The following GALNT13 variants were observed in gnomAD, a reference collection of about 807,000 sequenced individuals.
GALNT13 encodes the protein polypeptide N-acetylgalactosaminyltransferase 13, also known as UDP-GalNAc:polypeptide N-acetylgalactosaminyltransferase 13.
In GALNT13, 28 loss-of-function variants were observed where a neutral mutation model predicts 64.2. The ratio of observed to expected loss-of-function variants is 0.44; its 90% confidence interval spans 0.32 to 0.60. The LOEUF (loss-of-function observed/expected upper bound fraction) is 0.60, where lower values mean the gene tolerates loss of function less well. Among genes scored for constraint, GALNT13 ranks in the 20% least tolerant of loss-of-function variants. The pLI is 0.05. For missense variants in GALNT13, 577 were observed against 669.8 expected (o/e 0.86, Z 1.53); for synonymous variants, 214 against 224.6 (o/e 0.95, Z 0.42).
At chr2:154,144,904 G>T (rs1466032527) in intron 4 of GALNT13, among the ~76,000 whole-genome samples, 2 of 151,492 alleles carry the variant, frequency 1.3e-5, no homozygotes, top group East Asian at 3.9e-4. Flanking sequence ...CAACACATTT[G>T]TATGTAATCC....
At chr2:153,573,461 G>A in the GALNT13 span, among the ~76,000 whole-genome samples, 1 of 151,988 alleles carries the variant, frequency 6.6e-6, no homozygotes, top group African/African-American at 2.4e-5. Flanking sequence ...TTATGAACAA[G>A]TAAGGACTTC....
the GALNT13 span, among the ~76,000 whole-genome samples, chr2:153,398,504 T>A: frequency 6.6e-6 from 1 of 152,052 alleles, no homozygotes; most frequent in Non-Finnish European, 1.5e-5. Context: ...CCACACTGAC[T>A]TCCACAATGG....
At chr2:153,932,800 G>A (rs895516691) in intron 2 of GALNT13, among the ~76,000 whole-genome samples, 1 of 151,552 alleles carries the variant, frequency 6.6e-6, no homozygotes, top group African/African-American at 2.4e-5. Flanking sequence ...GCTAATTTTT[G>A]TATTTTTAGT....
the GALNT13 span, among the ~76,000 whole-genome samples, chr2:153,317,467 A>G: frequency 6.6e-6 from 1 of 152,150 alleles, no homozygotes; most frequent in Non-Finnish European, 1.5e-5. Context: ...AATATTTTAT[A>G]TATTTTATGC....
chr2:154,178,715 G>T (rs1201462528), intron 4 of GALNT13, among the ~76,000 whole-genome samples: 1 of 152,106 alleles, frequency 6.6e-6, no homozygotes, highest in Non-Finnish European at 1.5e-5. Flanking sequence ...CTGAGGGTTT[G>T]CAATAGCTTC....
chr2:154,307,838 A>G (rs1693823730), intron 9 of GALNT13, among the ~76,000 whole-genome samples: 1 of 152,188 alleles, frequency 6.6e-6, no homozygotes, highest in South Asian at 2.1e-4. Flanking sequence ...TTCACAGAAT[A>G]CCACATTATA....
chr2:154,349,306 A>G (rs1484524302), intron 9 of GALNT13, among the ~76,000 whole-genome samples: 3 of 152,236 alleles, frequency 2.0e-5, no homozygotes, highest in African/African-American at 4.8e-5. Flanking sequence ...TGGATAAAAT[A>G]CAACTGTTTT....
chr2:153,195,867 G>A, the GALNT13 span, among the ~76,000 whole-genome samples: 3 of 152,134 alleles, frequency 2.0e-5, no homozygotes, highest in Non-Finnish European at 4.4e-5. Context: ...AGACCCGCAG[G>A]GGCAGCTCCT....
chr2:153,227,706 A>G, the GALNT13 span, among the ~76,000 whole-genome samples: 1 of 152,192 alleles, frequency 6.6e-6, no homozygotes, highest in Admixed American at 6.5e-5. Flanking sequence ...TAATTTTTCT[A>G]GGAATTCAGT....
the GALNT13 span, among the ~76,000 whole-genome samples, chr2:153,595,815 A>T: frequency 6.6e-6 from 1 of 152,246 alleles, no homozygotes. Context: ...TAAGTCAGCC[A>T]TAAAACATGT....
the GALNT13 span, among the ~76,000 whole-genome samples, chr2:153,119,120 T>A: frequency 6.6e-6 from 1 of 152,160 alleles, no homozygotes. Context: ...TGATTGTAAG[T>A]TTCCTGAGGT....
chr2:153,256,760 G>A, the GALNT13 span, among the ~76,000 whole-genome samples: 16 of 152,322 alleles, frequency 1.1e-4, no homozygotes, highest in East Asian at 2.3e-3. Context: ...CAGTTAGGCT[G>A]CTCGGGGGTC....
chr2:154,028,048 C>T (rs1051783255), intron 3 of GALNT13, among the ~76,000 whole-genome samples: 3 of 152,020 alleles, frequency 2.0e-5, no homozygotes, highest in African/African-American at 4.8e-5. Flanking sequence ...GTTAGAGCTG[C>T]GACTGTAGAG....
the GALNT13 span, among the ~76,000 whole-genome samples, chr2:153,731,344 T>C: frequency 2.0e-5 from 3 of 151,678 alleles, no homozygotes; most frequent in African/African-American, 7.3e-5. Flanking sequence ...ATATCAGAGA[T>C]TGCAAAAAGT....
chr2:153,320,938 C>G, the GALNT13 span, among the ~76,000 whole-genome samples: 19 of 152,152 alleles, frequency 1.2e-4, no homozygotes, highest in African/African-American at 4.3e-4. Context: ...CCCACCTCAT[C>G]AAATTGAGCC....
the GALNT13 span, among the ~76,000 whole-genome samples, chr2:153,324,154 CCTCT>C: frequency 6.6e-6 from 1 of 152,242 alleles, no homozygotes; most frequent in East Asian, 1.9e-4. Flanking sequence ...TTGCTTATGT[CCTCT>C]CTAACTTCCT....
chr2:154,220,994 T>C (rs1688294273), intron 4 of GALNT13, among the ~76,000 whole-genome samples: 1 of 152,050 alleles, frequency 6.6e-6, no homozygotes. Context: ...TTACTCACAT[T>C]TTAAGCACAT....
At chr2:153,172,804 G>T in the GALNT13 span, among the ~76,000 whole-genome samples, 1 of 152,122 alleles carries the variant, frequency 6.6e-6, no homozygotes, top group African/African-American at 2.4e-5. Context: ...GAGAGGGTAA[G>T]GTAATCTGAA....
chr2:153,215,797 TTAAC>T, the GALNT13 span, among the ~76,000 whole-genome samples: 16 of 152,176 alleles, frequency 1.1e-4, no homozygotes, highest in Admixed American at 5.9e-4. Flanking sequence ...AAAAGGTACT[TTAAC>T]TAGTTCACTA....
Sources: gnomAD v4.1 joint callset for allele counts (sites outside exome capture counted in the v4.1 genomes callset) on GRCh38, gnomAD v4.1.1 for gene constraint, MANE v1.5 for transcripts, NCBI Gene and HGNC (gene_info 2026-07-23, HGNC 2026-07-21) for gene names.